Variants in ACP1 observed in about 807,000 individuals in gnomAD.
The protein encoded by ACP1 is low molecular weight phosphotyrosine protein phosphatase.
A neutral mutation model predicts 23.4 loss-of-function variants in ACP1; 23 were observed. The observed-to-expected ratio is 0.98, with a 90% CI of 0.71 to 1.39. ACP1 has a LOEUF of 1.39. Ranked by LOEUF, ACP1 falls within the 40% of genes most tolerant of loss-of-function variation. The pLI is 0.00. For synonymous variants in ACP1, 72 were observed against 67.2 expected (o/e 1.07, Z -0.35); for missense variants, 180 against 197.7 (o/e 0.91, Z 0.54).
At chr2:272,568 C>A in intron 3 of ACP1, 1 of 1,021,374 alleles carries the variant, frequency 9.8e-7, no homozygotes, top group Non-Finnish European at 1.4e-6. Flanking sequence ...GAGCGGTGCT[C>A]TGTCTTCTGT....
intron 1 of ACP1, among the ~76,000 whole-genome samples, chr2:267,016 T>A (rs1669908371): frequency 6.6e-6 from 1 of 152,218 alleles, no homozygotes; most frequent in South Asian, 2.1e-4. Context: ...ATGGATATGC[T>A]GGACAAAGAC....
rs1299120648 is a variant in ACP1, at chr2:272,497, T to C, written c.231+347T>C. Reference sequence around the variant, plus strand: ...CTTGCCTGACTTTGGAATTTACTTATTAAAATGCACATAAAAGCTAGGTAA... The same window carrying C: ...CTTGCCTGACTTTGGAATTTACTTACTAAAATGCACATAAAAGCTAGGTAA... On this transcript the variant is annotated intron_variant, in intron 3 of 5. Transcript: ENST00000272065. 6 of 1,430,864 alleles carry C rather than the reference T, an allele frequency of 4.2e-6. No individual in the cohort carries two copies. In the East Asian group the frequency reaches 7.5e-5, roughly 18 times the overall value. 88.6% of individuals were successfully genotyped at this position (1,430,864 alleles called of 1,614,324 possible).
chr2:269,218 C>T (rs1035177224), intron 1 of ACP1: 2 of 426,750 alleles, frequency 4.7e-6, no homozygotes, highest in Non-Finnish European at 9.6e-6. Flanking sequence ...TTTAGAATGT[C>T]GAAAGGAAAA....
At chr2:265,077 G>T in intron 1 of ACP1, 70 bp downstream of exon 1, 1 of 1,590,732 alleles carries the variant, frequency 6.3e-7, no homozygotes, top group Non-Finnish European at 8.6e-7. Context: ...TGCGCTGTAG[G>T]TTGTGCCGCC....
chr2:273,577 G>A (rs1382340584), intron 3 of ACP1, among the ~76,000 whole-genome samples: 4 of 152,220 alleles, frequency 2.6e-5, no homozygotes, highest in Non-Finnish European at 5.9e-5. Context: ...CGGCCTGGTG[G>A]CCACAAAGCC....
chr2:265,197 TGCCCGCTA>T, intron 1 of ACP1, 190 bp downstream of exon 1: 1 of 577,832 alleles, frequency 1.7e-6, no homozygotes, highest in Non-Finnish European at 2.9e-6. Flanking sequence ...CCGCCCAGCC[TGCCCGCTA>T]AACCTGGGTC....
intron 4 of ACP1, 87 bp from the exon 5 acceptor site, chr2:276,893 A>G (rs1366807156): frequency 1.3e-6 from 1 of 786,520 alleles, no homozygotes; most frequent in South Asian, 1.7e-5. Context: ...TGATTTTGAT[A>G]TGGATGTTTC....
intron 1 of ACP1, 189 bp downstream of exon 1, chr2:265,196 C>T (rs2103068470): frequency 1.7e-6 from 1 of 583,250 alleles, no homozygotes; most frequent in Non-Finnish European, 2.8e-6. Context: ...CCCGCCCAGC[C>T]TGCCCGCTAA....
At chr2:265,236 C>T in intron 1 of ACP1, 1 of 499,264 alleles carries the variant, frequency 2.0e-6, no homozygotes, top group Non-Finnish European at 3.5e-6. Context: ...TGCCATATAT[C>T]CGGGGCTCTT....
chr2:273,364 C>T (rs181586549), intron 3 of ACP1, among the ~76,000 whole-genome samples: 14 of 152,298 alleles, frequency 9.2e-5, no homozygotes, highest in Non-Finnish European at 1.3e-4. Context: ...GCTACTGAAC[C>T]GTTTGAGATC....
At chr2:271,440 G>C (rs926061295) in intron 1 of ACP1, among the ~76,000 whole-genome samples, 6 of 151,868 alleles carry the variant, frequency 4.0e-5, no homozygotes, top group Non-Finnish European at 8.8e-5. Flanking sequence ...GGGGTGGGAG[G>C]GTGTCCTGAA....
At position 277,040 on chromosome 2, in the gene ACP1, G is replaced by C; in HGVS notation, c.354G>C (p.Gly118=). 1.9e-6 allele frequency: 3 copies of C among 1,613,250 alleles called. No individual in the cohort carries two copies. The highest frequency in any genetic ancestry group is 2.5e-6 in the Non-Finnish European group (3 of 1,179,580). Residue 118 remains glycine, a synonymous_variant, in exon 5 of 6, where the codon GGG becomes GGC. Coordinates refer to ENST00000272065, the MANE Select transcript of ACP1 (RefSeq NM_004300.4). ...GCAAAGCTAAAATTGAACTACTTGG[G>C]AGCTATGATCCACAAAAACAACTTA... ...KTCKAKIELL[G]SYDPQKQLII...
At chr2:274,737 A>G (rs1392094685) in intron 3 of ACP1, 1 of 152,672 alleles carries the variant, frequency 6.5e-6, no homozygotes, top group Non-Finnish European at 1.5e-5. Context: ...GGCTCTGTCC[A>G]CTTAGCTTGG....
At chr2:266,307 G>A (rs1441794108) in intron 1 of ACP1, 1 of 152,174 alleles carries the variant, frequency 6.6e-6, no homozygotes. Flanking sequence ...GTTTCACATT[G>A]GTAGTGGGCA....
chr2:273,605 C>A (rs1038980367), intron 3 of ACP1, among the ~76,000 whole-genome samples: 5 of 152,186 alleles, frequency 3.3e-5, no homozygotes, highest in African/African-American at 1.2e-4. Flanking sequence ...CTCTGCAGCA[C>A]TGGTTTTTTA....
chr2:273,452 CTGCACCTTTTTTTGA>C (rs1304989198), intron 3 of ACP1, among the ~76,000 whole-genome samples: 1 of 152,226 alleles, frequency 6.6e-6, no homozygotes, highest in Non-Finnish European at 1.5e-5. Context: ...AGATTGGGGC[CTGCACCTTTTTTTGA>C]GGCACCTTTT....
In ACP1 at chr2:272,031, C is replaced by T. The variant is rs368060000; in HGVS notation, c.118-6C>T. The T allele has an allele frequency of 1.2e-6, 2 of 1,613,312 alleles. No individual in the cohort carries two copies. Among genetic ancestry groups the T allele is most frequent in the Admixed American group, 1.7e-5 (1 of 59,944 alleles). ...AAAAAAAAATTCCATGTTTCTTCCC[C>T]TGCAGTGGAGGGTAGACAGCGCGGC... On this transcript the variant is annotated splice_polypyrimidine_tract_variant and splice_region_variant and intron_variant, in intron 2 of 5. Transcript: ENST00000272065.
chr2:272,556 C>A, intron 3 of ACP1: 1 of 1,156,562 alleles, frequency 8.6e-7, no homozygotes, highest in South Asian at 1.8e-5. Flanking sequence ...TGAGCTGGGG[C>A]TGAGCGGTGC....
intron 1 of ACP1, among the ~76,000 whole-genome samples, chr2:268,555 G>A (rs1254992547): frequency 1.3e-5 from 2 of 152,138 alleles, no homozygotes; most frequent in Non-Finnish European, 2.9e-5. Flanking sequence ...TTTACTTCTG[G>A]GCTACACCCA....
Sources: allele counts gnomAD v4.1 joint callset (sites outside exome capture counted in the v4.1 genomes callset), GRCh38; gene constraint gnomAD v4.1.1; transcripts MANE v1.5; gene names NCBI Gene and HGNC (gene_info 2026-07-23, HGNC 2026-07-21).